IGSF21: variants seen among roughly 807,000 people sequenced by gnomAD.
IGSF21 encodes immunoglobulin superfamily member 21.
Under a neutral mutation model 46.8 loss-of-function variants are expected in IGSF21, and 28 were observed. The ratio of observed to expected loss-of-function variants is 0.60; its 90% CI spans 0.44 to 0.82. The LOEUF is 0.82. Ranked by LOEUF, IGSF21 falls within the 40% of genes least tolerant of loss-of-function variation. The probability of loss-of-function intolerance (pLI) is 0.00; values close to 1 mark genes in which losing one functional copy is unlikely to be tolerated. For missense variants in IGSF21, 624 were observed against 665.5 expected (o/e 0.94, Z 0.69); for synonymous variants, 284 against 273.6 (o/e 1.04, Z -0.38).
chr1:18,242,954 C>T (rs528758930), intron 2 of IGSF21, among the ~76,000 whole-genome samples: 1 of 152,218 alleles, frequency 6.6e-6, no homozygotes, highest in South Asian at 2.1e-4. Flanking sequence ...GGACAGTGGG[C>T]ATGGCAAGTA....
chr1:18,299,998 G>T (rs953905196), intron 3 of IGSF21, among the ~76,000 whole-genome samples: 2 of 152,278 alleles, frequency 1.3e-5, no homozygotes, highest in South Asian at 2.1e-4. Context: ...GCTGAGGTGG[G>T]AGGATCACTT....
intron 1 of IGSF21, among the ~76,000 whole-genome samples, chr1:18,121,464 T>G (rs994818351): frequency 6.6e-6 from 1 of 152,138 alleles, no homozygotes; most frequent in Non-Finnish European, 1.5e-5. Context: ...CTGTTGAAAT[T>G]GACTTTGATG....
intron 1 of IGSF21, among the ~76,000 whole-genome samples, chr1:18,153,945 C>A (rs111366255): frequency 1.5e-3 from 231 of 152,238 alleles, no homozygotes; most frequent in African/African-American, 5.2e-3. Context: ...ACACTGAAGC[C>A]CGGAGCAGGG....
intron 2 of IGSF21, among the ~76,000 whole-genome samples, chr1:18,243,647 A>C (rs2084755085): frequency 1.3e-5 from 2 of 152,092 alleles, no homozygotes; most frequent in Non-Finnish European, 2.9e-5. Flanking sequence ...GGGAGGCACC[A>C]CCCGGTCTGG....
chr1:18,201,995 T>G (rs1373038183), intron 1 of IGSF21, among the ~76,000 whole-genome samples: 1 of 152,190 alleles, frequency 6.6e-6, no homozygotes, highest in African/African-American at 2.4e-5. Flanking sequence ...GCCCCAAAAG[T>G]GGCCAGTTTT....
Position 18,322,442 on chromosome 1 carries a change from G to GAGAGGC in IGSF21, c.306-12439_306-12434dup, listed in dbSNP as rs149175857. Among the ~76,000 whole-genome samples, 7,075 of 152,036 alleles carry GAGAGGC rather than the reference G, an allele frequency of 0.047. 202 individuals carry two copies. Among genetic ancestry groups the GAGAGGC allele is most frequent in the South Asian group, 0.071 (341 of 4,808 alleles). ...GCCAGCTCTCACCCACCACCAAGTA[G>GAGAGGC]AGAGGCAGAGGCAGAGATTCCTGTT... On this transcript the variant is annotated intron_variant, in intron 3 of 9. Transcript: ENST00000251296. This position sits in a 1 kb window ranked among gnomAD's most constrained non-coding sequence, Gnocchi z 4.3.
At chr1:18,218,686 T>A (rs1442924801) in intron 1 of IGSF21, among the ~76,000 whole-genome samples, 1 of 152,162 alleles carries the variant, frequency 6.6e-6, no homozygotes, top group African/African-American at 2.4e-5. Context: ...GAAAATCACT[T>A]GATACACACA....
At chr1:18,294,883 G>C (rs1345144382) in intron 3 of IGSF21, among the ~76,000 whole-genome samples, 2 of 152,256 alleles carry the variant, frequency 1.3e-5, no homozygotes, top group Non-Finnish European at 2.9e-5. Flanking sequence ...CCCCATCAGG[G>C]CTGGCGACGG....
chr1:18,235,970 C>T lies in IGSF21; in HGVS notation c.183+7960C>T, dbSNP rs374348232. Among the ~76,000 whole-genome samples, 21 of 152,160 alleles carry T rather than the reference C, an allele frequency of 1.4e-4. No individual in the cohort carries two copies. In the East Asian group the frequency reaches 3.9e-3, roughly 28 times the overall value. ...ATGATTTGCAGGTAGAAGTTAAGGG[C>T]TTGCTAACATGTGGAAGGGATGAGA... is the stretch of plus-strand genomic sequence containing the variant. On this transcript the variant is annotated intron_variant, in intron 2 of 9. Coordinates refer to ENST00000251296, the MANE Select transcript of IGSF21 (RefSeq NM_032880.5).
At chr1:18,183,854 G>T (rs950951504) in intron 1 of IGSF21, among the ~76,000 whole-genome samples, 4 of 152,062 alleles carry the variant, frequency 2.6e-5, no homozygotes, top group African/African-American at 9.7e-5. Context: ...AGAAGGGAGG[G>T]TCCCACTGGG....
intron 1 of IGSF21, among the ~76,000 whole-genome samples, chr1:18,174,495 C>G (rs1409323820): frequency 1.4e-4 from 21 of 152,222 alleles, no homozygotes. Flanking sequence ...TCCCATGTCC[C>G]TGGTTAGACA....
At chr1:18,338,911 G>A (rs980435876) in intron 4 of IGSF21, among the ~76,000 whole-genome samples, 6 of 152,128 alleles carry the variant, frequency 3.9e-5, no homozygotes, top group East Asian at 1.9e-4. Flanking sequence ...GGGAGGGAGC[G>A]TGTTAAGGGT....
chr1:18,259,416 T>G (rs1447179335), intron 2 of IGSF21, among the ~76,000 whole-genome samples: 2 of 152,104 alleles, frequency 1.3e-5, no homozygotes, highest in East Asian at 3.9e-4. Context: ...TGTCCCAGAA[T>G]CATAGAACAA....
intron 1 of IGSF21, among the ~76,000 whole-genome samples, chr1:18,181,375 A>G (rs961061275): frequency 1.3e-5 from 2 of 152,226 alleles, no homozygotes; most frequent in East Asian, 3.9e-4. Context: ...GACCATGCAC[A>G]CTGACCCAAA....
At chr1:18,203,980 G>A (rs151276098) in intron 1 of IGSF21, among the ~76,000 whole-genome samples, 4 of 152,192 alleles carry the variant, frequency 2.6e-5, no homozygotes, top group East Asian at 3.8e-4. Context: ...ATCGCTTGCC[G>A]AGAGCTGTTC....
rs180976831 is a variant in IGSF21 at position 18,161,751 on chromosome 1, G to A, written c.70+53553G>A. Among the ~76,000 whole-genome samples, 146 of 152,286 alleles carry A rather than the reference G, an allele frequency of 9.6e-4. 1 individual carries two copies. Among genetic ancestry groups the A allele is most frequent in the African/African-American group, 2.7e-3 (112 of 41,562 alleles). On this transcript the variant is annotated intron_variant, in intron 1 of 9. Coordinates refer to ENST00000251296, the MANE Select transcript of IGSF21 (RefSeq NM_032880.5). ...TTACACTGATACAGTCTCGCGTGGC[G>A]GTGGGAGGAGGCCAAATATTTATGA...
chr1:18,148,375 G>T (rs571830154), intron 1 of IGSF21, among the ~76,000 whole-genome samples: 6 of 151,938 alleles, frequency 3.9e-5, no homozygotes, highest in African/African-American at 7.3e-5. Flanking sequence ...CTCATGATCC[G>T]CCCGCCTCGG....
intron 1 of IGSF21, among the ~76,000 whole-genome samples, chr1:18,214,088 GA>G (rs1218497488): frequency 6.6e-6 from 1 of 152,128 alleles, no homozygotes; most frequent in Non-Finnish European, 1.5e-5. Context: ...TATCAATAAT[GA>G]AACACATATT....
chr1:18,110,767 C>T (rs2086136172), intron 1 of IGSF21: 1 of 152,370 alleles, frequency 6.6e-6, no homozygotes, highest in Admixed American at 6.5e-5. Context: ...ACTCCTCCAG[C>T]CCCCGTGAAC....
Sources: allele counts gnomAD v4.1 joint callset (sites outside exome capture counted in the v4.1 genomes callset), GRCh38; gene constraint gnomAD v4.1.1; non-coding constraint Gnocchi (gnomAD v3.1); transcripts MANE v1.5; gene names NCBI Gene and HGNC (gene_info 2026-07-23, HGNC 2026-07-21).